Variants in PTPRD observed in about 807,000 individuals in gnomAD.
The protein encoded by PTPRD is protein tyrosine phosphatase receptor type D.
PTPRD carries 34 observed loss-of-function variants against 214.5 expected under a neutral mutation model. That is an observed-to-expected ratio of 0.16 (90% CI 0.12 to 0.21). The LOEUF (loss-of-function observed/expected upper bound fraction) is 0.21. Among genes scored for constraint, PTPRD ranks in the 10% least tolerant of loss-of-function variants. PTPRD has a pLI of 1.00. For missense variants in PTPRD, 2,545 were observed against 2,398.7 expected, an observed-to-expected ratio of 1.06 and a Z score of -1.27; for synonymous variants, 1,128 against 845.7, an observed-to-expected ratio of 1.33 and a Z score of -5.79.
At chr9:10,352,596 A>T (rs1467200223) in intron 2 of PTPRD, among the ~76,000 whole-genome samples, 2 of 152,066 alleles carry the variant, frequency 1.3e-5, no homozygotes, top group African/African-American at 2.4e-5. Flanking sequence ...ATATATGCAT[A>T]AGCATGTTTA....
At chr9:9,904,164 G>C (rs978938368) in intron 5 of PTPRD, among the ~76,000 whole-genome samples, 4 of 152,116 alleles carry the variant, frequency 2.6e-5, no homozygotes, top group Non-Finnish European at 5.9e-5. Context: ...GGGTGGTACA[G>C]TGTGTCTGGG....
At chr9:9,938,902 G>A (rs536199077) in intron 4 of PTPRD, among the ~76,000 whole-genome samples, 97 of 152,110 alleles carry the variant, frequency 6.4e-4, no homozygotes, top group Middle Eastern at 3.4e-3. Context: ...TAATTGATGC[G>A]TTAATTTAAG....
At chr9:9,027,077 G>C (rs2099589825) in intron 10 of PTPRD, among the ~76,000 whole-genome samples, 1 of 151,442 alleles carries the variant, frequency 6.6e-6, no homozygotes. Flanking sequence ...GCTATGTCTG[G>C]TGTTCCGCCC....
At chr9:8,900,008 T>A (rs111597887) in intron 11 of PTPRD, among the ~76,000 whole-genome samples, 68 of 152,352 alleles carry the variant, frequency 4.5e-4, no homozygotes, top group Admixed American at 8.5e-4. Context: ...TCATTTTTCT[T>A]TCTTAAATTT....
chr9:9,367,521 T>A (rs1381169716), intron 9 of PTPRD, among the ~76,000 whole-genome samples: 1 of 151,648 alleles, frequency 6.6e-6, no homozygotes, highest in Non-Finnish European at 1.5e-5. Flanking sequence ...CAACTTTGGA[T>A]GTTTTTCCAG....
chr9:8,770,206 G>A (rs1367459179), intron 11 of PTPRD, among the ~76,000 whole-genome samples: 3 of 152,070 alleles, frequency 2.0e-5, no homozygotes, highest in South Asian at 2.1e-4. Context: ...TGCTTGAACC[G>A]GGAGAAGTGG....
intron 8 of PTPRD, among the ~76,000 whole-genome samples, chr9:9,472,720 A>G (rs1589306091): frequency 6.6e-6 from 1 of 152,202 alleles, no homozygotes; most frequent in African/African-American, 2.4e-5. Context: ...AAACAACTCA[A>G]TTTTAATCTA....
intron 27 of PTPRD, among the ~76,000 whole-genome samples, chr9:8,488,195 T>C (rs1430210800): frequency 6.6e-6 from 1 of 152,178 alleles, no homozygotes; most frequent in Non-Finnish European, 1.5e-5. Context: ...GATGGACTGA[T>C]TAGCCTCTTC....
intron 8 of PTPRD, among the ~76,000 whole-genome samples, chr9:9,498,992 G>A (rs2096299965): frequency 6.6e-6 from 1 of 151,272 alleles, no homozygotes; most frequent in Admixed American, 6.6e-5. Flanking sequence ...TCTCACTCTT[G>A]CTCTCCCTCT....
Position 8,967,803 on chromosome 9 carries a change from GC to G in PTPRD, c.-104+50893del, listed in dbSNP as rs1473163790. ...GTTTTAGGGTACAAGTGCACAACGT[GC>G]AGGTGTGTTACATATGTATACCTGT... On this transcript the variant is annotated intron_variant, in intron 11 of 45. Coordinates refer to ENST00000381196, the MANE Select transcript of PTPRD (RefSeq NM_002839.4). Among the ~76,000 whole-genome samples, 3 of 152,032 alleles carry G rather than the reference GC, an allele frequency of 2.0e-5. No individual in the cohort carries two copies. The East Asian group carries it at 5.8e-4, about 29-fold the overall frequency.
At chr9:10,550,840 C>T (rs1019900013) in intron 2 of PTPRD, among the ~76,000 whole-genome samples, 3 of 152,172 alleles carry the variant, frequency 2.0e-5, no homozygotes, top group Non-Finnish European at 1.5e-5. Context: ...AGCTTTTTCT[C>T]CACCTCTACC....
At chr9:8,404,310 G>A (rs562590709) in intron 36 of PTPRD, among the ~76,000 whole-genome samples, 1 of 152,200 alleles carries the variant, frequency 6.6e-6, no homozygotes, top group African/African-American at 2.4e-5. Flanking sequence ...TGTATTCTCA[G>A]TAGAGATGGG....
intron 4 of PTPRD, among the ~76,000 whole-genome samples, chr9:9,993,563 C>G (rs1326464783): frequency 6.6e-6 from 1 of 152,106 alleles, no homozygotes; most frequent in Non-Finnish European, 1.5e-5. Context: ...ATACATTTTA[C>G]TTGATTCATT....
intron 4 of PTPRD, among the ~76,000 whole-genome samples, chr9:9,958,971 C>T (rs1039731527): frequency 6.6e-6 from 1 of 152,042 alleles, no homozygotes; most frequent in African/African-American, 2.4e-5. Flanking sequence ...CATAGTCTTA[C>T]CATAAAATCA....
chr9:9,220,581 A>T (rs1424934417), intron 9 of PTPRD, among the ~76,000 whole-genome samples: 1 of 152,080 alleles, frequency 6.6e-6, no homozygotes, highest in Non-Finnish European at 1.5e-5. Context: ...ATAATAGCAC[A>T]TCTTTCCATA....
chr9:9,851,636 T>C (rs1394426334), intron 5 of PTPRD, among the ~76,000 whole-genome samples: 4 of 152,204 alleles, frequency 2.6e-5, no homozygotes, highest in Non-Finnish European at 4.4e-5. Flanking sequence ...CTGGGTTAGC[T>C]GGGCGTTGTG....
chr9:9,497,881 G>A (rs1438867311), intron 8 of PTPRD, among the ~76,000 whole-genome samples: 1 of 152,096 alleles, frequency 6.6e-6, no homozygotes, highest in Admixed American at 6.5e-5. Context: ...TCGATCTTCA[G>A]CCAGAATCTT....
At chr9:9,916,033 C>T (rs1363634487) in intron 5 of PTPRD, among the ~76,000 whole-genome samples, 2 of 150,708 alleles carry the variant, frequency 1.3e-5, no homozygotes, top group African/African-American at 4.9e-5. Context: ...CAGCAGAAAC[C>T]TTAGAGGCAA....
intron 11 of PTPRD, among the ~76,000 whole-genome samples, chr9:8,805,960 A>C (rs1360903977): frequency 2.1e-5 from 3 of 142,078 alleles, no homozygotes; most frequent in African/African-American, 7.8e-5. Flanking sequence ...ATGCCACTGC[A>C]CTCCAGCCTG....
Sources: allele counts gnomAD v4.1 joint callset (sites outside exome capture counted in the v4.1 genomes callset), GRCh38; gene constraint gnomAD v4.1.1; transcripts MANE v1.5; gene names NCBI Gene and HGNC (gene_info 2026-07-23, HGNC 2026-07-21).